The following RELN variants were observed in gnomAD, a reference collection of about 807,000 sequenced individuals.
RELN encodes reelin.
Under a neutral mutation model 427.6 loss-of-function variants are expected in RELN, and 108 were observed. That is an observed-to-expected ratio of 0.25 (90% CI 0.22 to 0.30). RELN has a LOEUF of 0.30. RELN is among the 10% of genes least tolerant of loss of function. RELN has a pLI of 1.00. For synonymous variants in RELN, 1,524 were observed against 1,513.4 expected, an observed-to-expected ratio of 1.01 and a Z score of -0.16; for missense variants, 3,715 against 4,302.8, an observed-to-expected ratio of 0.86 and a Z score of 3.82.
chr7:103,504,129 G>A (rs540128197), intron 51 of RELN, among the ~76,000 whole-genome samples: 3 of 152,152 alleles, frequency 2.0e-5, no homozygotes, highest in South Asian at 4.2e-4. Context: ...GTCTGAACCC[G>A]GGAGGCAGAG....
intron 3 of RELN, among the ~76,000 whole-genome samples, chr7:103,828,479 G>GT (rs1463212311): frequency 6.6e-6 from 1 of 151,794 alleles, no homozygotes; most frequent in Non-Finnish European, 1.5e-5. Context: ...TTTTCATTCT[G>GT]TTTTCAGTTT....
intron 3 of RELN, among the ~76,000 whole-genome samples, chr7:103,797,302 C>T (rs1428042578): frequency 1.3e-5 from 2 of 152,116 alleles, no homozygotes; most frequent in Non-Finnish European, 2.9e-5. Context: ...GATGGGGTTT[C>T]ACCATGTTGG....
chr7:103,897,561 G>A (rs900702268), intron 2 of RELN, among the ~76,000 whole-genome samples: 5 of 152,016 alleles, frequency 3.3e-5, no homozygotes, highest in Admixed American at 1.3e-4. Context: ...TTCCTAAGAA[G>A]AGAGTTGTTT....
intron 14 of RELN, 97 bp from the exon 15 acceptor site, chr7:103,651,886 G>A (rs1392795250): frequency 3.6e-5 from 46 of 1,273,372 alleles, no homozygotes; most frequent in Non-Finnish European, 4.8e-5. Flanking sequence ...TTAAACAACT[G>A]TAAAAACAGT....
chr7:103,794,087 T>C (rs768323768), intron 3 of RELN, among the ~76,000 whole-genome samples: 3 of 152,188 alleles, frequency 2.0e-5, no homozygotes. Context: ...GTAATATTTT[T>C]TAATTTTGTA....
intron 62 of RELN, 148 bp downstream of exon 62, chr7:103,483,505 G>T (rs944631262): frequency 2.4e-6 from 2 of 833,874 alleles, no homozygotes; most frequent in Admixed American, 3.4e-5. Flanking sequence ...GCACTTTGGA[G>T]ATCTGGGTTA....
At chr7:103,910,397 C>A (rs1454742347) in intron 2 of RELN, among the ~76,000 whole-genome samples, 1 of 151,178 alleles carries the variant, frequency 6.6e-6, no homozygotes, top group Non-Finnish European at 1.5e-5. Flanking sequence ...AATTGAATAC[C>A]CTTTATTTCC....
intron 11 of RELN, among the ~76,000 whole-genome samples, chr7:103,676,459 A>G (rs1833526749): frequency 6.6e-6 from 1 of 152,222 alleles, no homozygotes; most frequent in South Asian, 2.1e-4. Flanking sequence ...AAACTAGTTC[A>G]ACCACTGTGG....
chr7:103,759,462 C>A (rs1013354059), intron 4 of RELN, among the ~76,000 whole-genome samples: 14 of 152,144 alleles, frequency 9.2e-5, no homozygotes, highest in African/African-American at 3.4e-4. Flanking sequence ...AAAATGAAAG[C>A]AGAAAAAGTG....
intron 14 of RELN, 115 bp downstream of exon 14, chr7:103,652,436 T>C (rs188298651): frequency 7.5e-6 from 6 of 795,086 alleles, no homozygotes; most frequent in Admixed American, 6.5e-5. Flanking sequence ...ATTTCATCAA[T>C]GAGTATTTTA....
chr7:103,523,846 T>G (rs1829763400), intron 46 of RELN, among the ~76,000 whole-genome samples: 1 of 151,924 alleles, frequency 6.6e-6, no homozygotes, highest in Non-Finnish European at 1.5e-5. Context: ...CCCAGTTAAT[T>G]TTTGTATTTT....
chr7:103,860,813 T>C (rs1389202994), intron 2 of RELN, among the ~76,000 whole-genome samples: 1 of 152,114 alleles, frequency 6.6e-6, no homozygotes, highest in Non-Finnish European at 1.5e-5. Context: ...AAAAGATAAA[T>C]GACTTGCTGA....
intron 1 of RELN, among the ~76,000 whole-genome samples, chr7:103,979,573 T>G (rs1339183322): frequency 6.6e-6 from 1 of 152,224 alleles, no homozygotes; most frequent in Admixed American, 6.5e-5. Context: ...AAACAAATGT[T>G]ATCCCATTGG....
intron 2 of RELN, among the ~76,000 whole-genome samples, chr7:103,838,245 C>T (rs1461130204): frequency 6.3e-5 from 9 of 141,824 alleles, no homozygotes; most frequent in African/African-American, 2.3e-4. Context: ...GAAGTAATTT[C>T]TGAATAAATA....
chr7:103,810,307 T>A lies in RELN; in HGVS notation c.473+23230A>T, dbSNP rs1486949069. Among the ~76,000 whole-genome samples the A allele has an allele frequency of 2.0e-5, 3 of 152,162 alleles. No individual in the cohort carries two copies. In the East Asian group the frequency reaches 5.8e-4, roughly 29 times the overall value. On this transcript the variant is annotated intron_variant, in intron 3 of 64. Transcript: ENST00000428762. ...AATTACTTATTAAGCTACTAAGTAA[T>A]GTCATTTCCTCCCATCCTTTTGTCA...
intron 11 of RELN, among the ~76,000 whole-genome samples, chr7:103,665,998 G>A (rs1833257191): frequency 6.6e-6 from 1 of 151,028 alleles, no homozygotes; most frequent in Non-Finnish European, 1.5e-5. Context: ...TACCTTTATA[G>A]TTAATACTTA....
At position 103,495,780 on chromosome 7, in the gene RELN, G is replaced by T. The variant is rs1419786732; in HGVS notation, c.9312C>A (p.His3104Gln). The T allele has an allele frequency of 1.2e-6, 2 of 1,614,036 alleles. No homozygotes were observed. The highest frequency in any genetic ancestry group is 1.7e-5 in the Admixed American group (1 of 60,006). Residue 3104 changes from histidine (H) to glutamine (Q), a missense_variant, in exon 57 of 65, where the codon CAC becomes CAA. Physicochemically the swap from His to Gln is conservative, Grantham distance 24 (BLOSUM62 0). Around this residue, in one of 4 missense-constraint regions of RELN, gnomAD observed 1,310 missense variants for 1,643.0 expected, o/e 0.80. Transcript: ENST00000428762. ...YWPNKKKDKT[H>Q]NALSSRELII... is the part of the protein sequence containing the mutation. ...TGAGTTCTCGGGAGGAGAGAGCATT[G>T]TGAGTCTTGTCCTTCTTTTTATTTG...
At chr7:103,512,870 T>TG (rs1829461357) in intron 50 of RELN, 1 of 152,206 alleles carries the variant, frequency 6.6e-6, no homozygotes, top group Admixed American at 6.5e-5. Context: ...GCAGCACAGT[T>TG]GATGCCTCAG....
chr7:103,862,031 T>C (rs947810432), intron 2 of RELN, among the ~76,000 whole-genome samples: 6 of 152,160 alleles, frequency 3.9e-5, no homozygotes, highest in African/African-American at 1.2e-4. Flanking sequence ...GTGGAGGGCT[T>C]ATGAATGAAT....
Sources: allele counts gnomAD v4.1 joint callset (sites outside exome capture counted in the v4.1 genomes callset), GRCh38; gene constraint gnomAD v4.1.1; regional missense constraint gnomAD v4.1.1; transcripts MANE v1.5; gene names NCBI Gene and HGNC (gene_info 2026-07-23, HGNC 2026-07-21).